ATP2B2: variants seen among roughly 807,000 people sequenced by gnomAD.
ATP2B2 encodes the protein plasma membrane calcium-transporting ATPase 2.
In ATP2B2, 15 loss-of-function variants were observed where a neutral mutation model predicts 120.0. The observed-to-expected ratio is 0.12, with a 90% confidence interval of 0.08 to 0.19. ATP2B2 has a LOEUF of 0.19. Among genes scored for constraint, ATP2B2 ranks in the 10% least tolerant of loss-of-function variants. The pLI is 1.00. For missense variants in ATP2B2, 1,045 were observed against 1,719.8 expected (o/e 0.61, Z 6.94); for synonymous variants, 694 against 700.3 (o/e 0.99, Z 0.14).
chr3:10,346,757 G>A lies in ATP2B2; in HGVS notation c.2405-620C>T, dbSNP rs919419763. ...GTGGGTGAAGGATGTCATCGGTGGG[G>A]ACCTGTGGAGTTTGTGGGACTCCTC... is the stretch of plus-strand genomic sequence containing the variant. On this transcript the variant is annotated intron_variant, in intron 16 of 22. Coordinates refer to ENST00000360273, the MANE Select transcript of ATP2B2 (RefSeq NM_001001331.4). The surrounding 1 kb of genome is among the most constrained non-coding windows in gnomAD (Gnocchi z 4.1). Among the ~76,000 whole-genome samples, 3 of 152,206 alleles carry A rather than the reference G, an allele frequency of 2.0e-5. No individual in the cohort carries two copies. The highest frequency in any genetic ancestry group is 4.4e-5 in the Non-Finnish European group (3 of 68,034).
intron 3 of ATP2B2, among the ~76,000 whole-genome samples, chr3:10,406,992 C>A (rs930328844): frequency 6.6e-6 from 1 of 152,222 alleles, no homozygotes; most frequent in Non-Finnish European, 1.5e-5. Flanking sequence ...TGTAGTGCTG[C>A]CACCATGTTG....
intron 2 of ATP2B2, among the ~76,000 whole-genome samples, chr3:10,584,465 T>C (rs1329450950): frequency 6.6e-6 from 1 of 152,088 alleles, no homozygotes; most frequent in Non-Finnish European, 1.5e-5. Context: ...ACCCTGGATC[T>C]CTGTAGGTGC....
rs1286634688 is a variant in ATP2B2, at chr3:10,686,043, C to CCT, written c.-460+21871_-460+21872insAG. On this transcript the variant is annotated intron_variant, in intron 1 of 21. Coordinates refer to the ATP2B2 transcript ENST00000646379. ...GTTCCCTGTCTTTCTTTCCTCCTTT[C>CCT]TTTTTTTTTTTTTTTTTTTTTTTGA... 1.6e-4 allele frequency among the ~76,000 whole-genome samples: 15 copies of CCT among 93,216 alleles called. No homozygotes were observed. The East Asian group carries it at 4.2e-3, about 26-fold the overall frequency. 61.2% of individuals were successfully genotyped at this position (93,216 alleles called of 152,430 possible).
At chr3:10,434,295 T>C (rs956236639) in intron 2 of ATP2B2, among the ~76,000 whole-genome samples, 2 of 152,168 alleles carry the variant, frequency 1.3e-5, no homozygotes, top group African/African-American at 2.4e-5. Context: ...TTTCTACAGA[T>C]TGGGGACTTT....
In ATP2B2 at chr3:10,494,685, G is replaced by A. The variant is rs531617395; in HGVS notation, c.-320+10780C>T. 1.1e-4 allele frequency among the ~76,000 whole-genome samples: 16 copies of A among 152,326 alleles called. No homozygotes were observed. The South Asian group carries it at 2.9e-3, about 28-fold the overall frequency. Reference sequence around the variant, plus strand: ...TCTATTGCTAACCTGCTGTGTGACTGGAGACAAGTCCCTGGACCTCTCTGA... The same window carrying A: ...TCTATTGCTAACCTGCTGTGTGACTAGAGACAAGTCCCTGGACCTCTCTGA... On this transcript the variant is annotated intron_variant, in intron 1 of 22. Coordinates refer to ENST00000360273, the MANE Select transcript of ATP2B2 (RefSeq NM_001001331.4).
chr3:10,640,940 T>C (rs537754222), intron 1 of ATP2B2, among the ~76,000 whole-genome samples: 4 of 152,312 alleles, frequency 2.6e-5, no homozygotes, highest in African/African-American at 9.6e-5. Context: ...CGTGGCTCTG[T>C]CCTCAGAGCC....
At position 10,327,045 on chromosome 3, in the gene ATP2B2, A is replaced by G. The variant is rs1412900628; in HGVS notation, c.*1769T>C. 5.1e-6 allele frequency: 2 copies of G among 395,644 alleles called. No individual in the cohort carries two copies. The highest frequency in any genetic ancestry group is 3.6e-5 in the East Asian group (1 of 27,938). 24.5% of individuals were successfully genotyped at this position (395,644 alleles called of 1,614,324 possible). On this transcript the variant is annotated 3_prime_UTR_variant, in exon 23 of 23. Transcript: ENST00000360273. The stretch of plus-strand genomic sequence containing the variant: ...TCATGGTATTCAAAATGTCTTTTGC[A>G]CTGTACAAGTTTATGGAAAAAAGAT...
At chr3:10,529,779 G>C (rs921168081) in intron 3 of ATP2B2, among the ~76,000 whole-genome samples, 1 of 152,168 alleles carries the variant, frequency 6.6e-6, no homozygotes, top group Non-Finnish European at 1.5e-5. Context: ...TTAAAATGAG[G>C]CCACTAGAAT....
At chr3:10,667,174 C>T (rs1452589768) in intron 1 of ATP2B2, among the ~76,000 whole-genome samples, 2 of 152,222 alleles carry the variant, frequency 1.3e-5, no homozygotes, top group East Asian at 3.9e-4. Context: ...ACACCTACTC[C>T]TTGTTGGACA....
At chr3:10,520,421 A>C (rs1372555291) in intron 3 of ATP2B2, among the ~76,000 whole-genome samples, 4 of 152,214 alleles carry the variant, frequency 2.6e-5, no homozygotes, top group Non-Finnish European at 4.4e-5. Context: ...GAAATCCTAA[A>C]TGAATGCAGA....
intron 2 of ATP2B2, among the ~76,000 whole-genome samples, chr3:10,553,348 G>A (rs1403708517): frequency 6.6e-6 from 1 of 152,178 alleles, no homozygotes; most frequent in Admixed American, 6.5e-5. Flanking sequence ...CTGACACAGA[G>A]AGGGACCTTG....
intron 2 of ATP2B2, among the ~76,000 whole-genome samples, chr3:10,582,732 G>A (rs780658404): frequency 2.0e-5 from 3 of 152,174 alleles, no homozygotes; most frequent in Non-Finnish European, 2.9e-5. Context: ...GGCTGAGCCT[G>A]GTGATCTAAG....
At chr3:10,488,339 AT>A (rs1197683578) in intron 1 of ATP2B2, among the ~76,000 whole-genome samples, 8 of 145,554 alleles carry the variant, frequency 5.5e-5, no homozygotes, top group African/African-American at 2.1e-4. Flanking sequence ...CCATCCATCC[AT>A]CCATCCATTC....
At chr3:10,698,896 T>C (rs1201055914) in intron 1 of ATP2B2, among the ~76,000 whole-genome samples, 3 of 152,236 alleles carry the variant, frequency 2.0e-5, no homozygotes, top group Non-Finnish European at 4.4e-5. Flanking sequence ...ACTGTGCACA[T>C]AGAAGCACTT....
intron 1 of ATP2B2, among the ~76,000 whole-genome samples, chr3:10,702,816 G>C (rs2596850): frequency 0.75 from 113,693 of 152,138 alleles, 42,737 homozygotes; most frequent in Non-Finnish European, 0.79. Context: ...AAAACAGGGA[G>C]GCATTTTCTG....
At chr3:10,696,069 G>A (rs1183201651) in intron 1 of ATP2B2, among the ~76,000 whole-genome samples, 1 of 152,080 alleles carries the variant, frequency 6.6e-6, no homozygotes, top group Non-Finnish European at 1.5e-5. Flanking sequence ...CATAACAGTG[G>A]GTGAGAAACC....
intron 3 of ATP2B2, among the ~76,000 whole-genome samples, chr3:10,512,464 G>A (rs1161310199): frequency 1.5e-5 from 2 of 136,926 alleles, no homozygotes; most frequent in Admixed American, 7.3e-5. Context: ...AAGTGTGTGC[G>A]CACACACACA....
chr3:10,340,897 C>T lies in ATP2B2; in HGVS notation c.2918-193G>A, dbSNP rs2125370561. 6.6e-6 allele frequency among the ~76,000 whole-genome samples: 1 copy of T among 152,216 alleles called. No individual in the cohort carries two copies. The highest frequency in any genetic ancestry group is 1.5e-5 in the Non-Finnish European group (1 of 68,006). On this transcript the variant is annotated intron_variant, in intron 19 of 22. Coordinates refer to ENST00000360273, the MANE Select transcript of ATP2B2 (RefSeq NM_001001331.4). This position sits in a 1 kb window ranked among gnomAD's most constrained non-coding sequence, Gnocchi z 5.0. ...ACTAGGACTGAAGGGTCAGCAAAGC[C>T]CTTTCTCCTCTGGGGAAGAAAGGCC...
At chr3:10,526,547 T>C (rs58772104) in intron 3 of ATP2B2, among the ~76,000 whole-genome samples, 8,210 of 152,150 alleles carry the variant, frequency 0.054, 566 homozygotes, top group African/African-American at 0.16. Context: ...CAAGGTAGCC[T>C]CCAACCTGGG....
Sources: gnomAD v4.1 joint callset for allele counts (sites outside exome capture counted in the v4.1 genomes callset) on GRCh38, gnomAD v4.1.1 for gene constraint, Gnocchi (gnomAD v3.1) non-coding constraint, MANE v1.5 for transcripts, NCBI Gene and HGNC (gene_info 2026-07-23, HGNC 2026-07-21) for gene names.